Variants in DMXL1 observed in about 807,000 individuals in gnomAD.
DMXL1 encodes Dmx like 1, also known as dmX-like protein 1.
Under a neutral mutation model 319.2 loss-of-function variants are expected in DMXL1, and 99 were observed. The ratio of observed to expected loss-of-function variants is 0.31; its 90% CI spans 0.26 to 0.37. The LOEUF is 0.37. DMXL1 is among the 10% of genes least tolerant of loss of function. The pLI is 1.00. For synonymous variants in DMXL1, 1,385 were observed against 1,235.2 expected (o/e 1.12, Z -2.54); for missense variants, 3,745 against 3,595.6 (o/e 1.04, Z -1.06).
At position 119,149,051 on chromosome 5, in the gene DMXL1, T is replaced by C. The variant is rs1331045407; in HGVS notation, c.3224T>C (p.Val1075Ala). Residue 1075 changes from valine to alanine, a missense_variant, in exon 18 of 44, where the codon GTG (valine) becomes GCG (alanine). Val to Ala is a moderately conservative substitution (Grantham distance 64). This residue lies in a region of DMXL1 where 2,096 missense variants were observed against 1,985.4 expected (regional missense o/e 1.06). Coordinates refer to ENST00000539542, the MANE Select transcript of DMXL1 (RefSeq NM_001290321.3). Reference protein sequence around the residue: ...ASNSRSSQDFVMHVSIFECES... With the variant: ...ASNSRSSQDFAMHVSIFECES... The stretch of plus-strand genomic sequence containing the variant: ...AATAGTAGATCTTCCCAGGACTTTG[T>C]GATGCATGTAAGTATTTTTGAATGT... 2 of 1,613,836 alleles carry C rather than the reference T, an allele frequency of 1.2e-6. No homozygotes were observed. The highest frequency in any genetic ancestry group is 1.7e-6 in the Non-Finnish European group (2 of 1,179,876).
chr5:119,155,836 A>C (rs943590475), intron 19 of DMXL1, among the ~76,000 whole-genome samples: 8 of 151,854 alleles, frequency 5.3e-5, no homozygotes, highest in Admixed American at 2.0e-4. Flanking sequence ...CAAAAAAAAA[A>C]AAAAAAAACA....
chr5:119,099,549 C>T (rs1215966030), intron 2 of DMXL1, among the ~76,000 whole-genome samples: 2 of 152,114 alleles, frequency 1.3e-5, no homozygotes, highest in East Asian at 1.9e-4. Context: ...TTTGTTTGAT[C>T]TTCTAGCTCT....
At chr5:119,089,292 ATTTTTTTTTTTTT>A (rs1157921856) in intron 1 of DMXL1, among the ~76,000 whole-genome samples, 157 of 39,884 alleles carry the variant, frequency 3.9e-3, no homozygotes, top group African/African-American at 0.013. Context: ...ATATATATAT[ATTTTTTTTTTTTT>A]TTTTTTTTTT....
At chr5:119,156,833 CTG>C (rs1771186592) in intron 19 of DMXL1, among the ~76,000 whole-genome samples, 1 of 152,018 alleles carries the variant, frequency 6.6e-6, no homozygotes. Flanking sequence ...TTTATGAAAA[CTG>C]TTTGTTTTTT....
At chr5:119,159,053 G>A (rs1029312476) in intron 19 of DMXL1, among the ~76,000 whole-genome samples, 3 of 152,008 alleles carry the variant, frequency 2.0e-5, no homozygotes, top group African/African-American at 7.2e-5. Flanking sequence ...ATTGGTGTTA[G>A]TTTTTCTTTA....
intron 39 of DMXL1, 58 bp downstream of exon 39, chr5:119,233,525 C>T (rs1787165941): frequency 6.7e-7 from 1 of 1,498,664 alleles, no homozygotes; most frequent in South Asian, 1.2e-5. Context: ...TTATAAATTC[C>T]ACTAGTTTGG....
intron 1 of DMXL1, among the ~76,000 whole-genome samples, chr5:119,083,936 T>G (rs1267249271): frequency 6.6e-6 from 1 of 152,196 alleles, no homozygotes; most frequent in African/African-American, 2.4e-5. Flanking sequence ...TTTCTCTGCA[T>G]TTTTGAGAAC....
chr5:119,223,675 A>G (rs1785035910), intron 37 of DMXL1, among the ~76,000 whole-genome samples: 1 of 152,198 alleles, frequency 6.6e-6, no homozygotes, highest in African/African-American at 2.4e-5. Context: ...TCTTTTTTAC[A>G]TGGATCTTCT....
intron 34 of DMXL1, among the ~76,000 whole-genome samples, chr5:119,210,458 A>C (rs1782553673): frequency 6.6e-6 from 1 of 152,188 alleles, no homozygotes. Flanking sequence ...CATGGTGTGA[A>C]GTATAGACCT....
chr5:119,126,189 A>G (rs1348859193), intron 9 of DMXL1, among the ~76,000 whole-genome samples: 4 of 152,182 alleles, frequency 2.6e-5, no homozygotes, highest in African/African-American at 9.7e-5. Context: ...AGGCTGAGGC[A>G]GGAGAATCGC....
chr5:119,121,997 C>T (rs1396184652), intron 9 of DMXL1, among the ~76,000 whole-genome samples: 5 of 142,112 alleles, frequency 3.5e-5, no homozygotes, highest in South Asian at 2.3e-4. Flanking sequence ...CGGGCAGAGG[C>T]GCCCCTCACC....
chr5:119,246,449 C>G (rs1466937285), intron 43 of DMXL1, among the ~76,000 whole-genome samples: 1 of 152,114 alleles, frequency 6.6e-6, no homozygotes, highest in African/African-American at 2.4e-5. Flanking sequence ...TTCTCTTACT[C>G]TCTTACTAGA....
rs866981521 is a variant in DMXL1 at position 119,190,571 on chromosome 5, C to T, written c.7314+685C>T. Among the ~76,000 whole-genome samples the T allele has an allele frequency of 5.9e-5, 9 of 152,058 alleles. No individual in the cohort carries two copies. In the East Asian group the frequency reaches 9.7e-4, roughly 16 times the overall value. Reference sequence around the variant, plus strand: ...GATAGTGTACAAAATTGGATTTGATCAAAAGAGGGAAATGGCCAACTAAGA... The same window carrying T: ...GATAGTGTACAAAATTGGATTTGATTAAAAGAGGGAAATGGCCAACTAAGA... On this transcript the variant is annotated intron_variant, in intron 29 of 43. Coordinates refer to ENST00000539542, the MANE Select transcript of DMXL1 (RefSeq NM_001290321.3).
At chr5:119,154,184 C>T (rs796272761) in intron 19 of DMXL1, among the ~76,000 whole-genome samples, 48 of 152,296 alleles carry the variant, frequency 3.2e-4, no homozygotes, top group African/African-American at 9.9e-4. Context: ...AACAACCCTA[C>T]AATGTCTTCT....
At chr5:119,107,447 A>G (rs1758606429) in intron 4 of DMXL1, among the ~76,000 whole-genome samples, 1 of 152,084 alleles carries the variant, frequency 6.6e-6, no homozygotes. Flanking sequence ...CAAATTTAAT[A>G]TTTTATGTTG....
intron 19 of DMXL1, among the ~76,000 whole-genome samples, chr5:119,164,243 A>G (rs1450363281): frequency 6.6e-6 from 1 of 152,192 alleles, no homozygotes; most frequent in East Asian, 1.9e-4. Context: ...AGGATCCGAA[A>G]TACATCAGCA....
intron 1 of DMXL1, among the ~76,000 whole-genome samples, chr5:119,087,002 A>G (rs527325713): frequency 1.3e-5 from 2 of 151,960 alleles, no homozygotes; most frequent in Admixed American, 1.3e-4. Context: ...ATGGTTGTTC[A>G]TAAGGATTCT....
At chr5:119,176,500 T>C (rs1775822911) in intron 26 of DMXL1, among the ~76,000 whole-genome samples, 1 of 152,046 alleles carries the variant, frequency 6.6e-6, no homozygotes, top group Admixed American at 6.6e-5. Flanking sequence ...TTTTTATCTT[T>C]CCTATCTATG....
At chr5:119,125,019 T>C (rs1206751517) in intron 9 of DMXL1, among the ~76,000 whole-genome samples, 2 of 152,234 alleles carry the variant, frequency 1.3e-5, no homozygotes, top group Non-Finnish European at 2.9e-5. Context: ...AAATAAATTA[T>C]ACTGTATGAC....
Sources: gnomAD v4.1 joint callset for allele counts (sites outside exome capture counted in the v4.1 genomes callset) on GRCh38, gnomAD v4.1.1 for gene constraint, gnomAD v4.1.1 regional missense constraint, MANE v1.5 for transcripts, NCBI Gene and HGNC (gene_info 2026-07-23, HGNC 2026-07-21) for gene names.